PCOLCE2: variants seen among roughly 807,000 people sequenced by gnomAD.
PCOLCE2 encodes the protein procollagen C-proteinase enhancer 2.
In PCOLCE2, 42 loss-of-function variants were observed where a neutral mutation model predicts 47.0. That is an observed-to-expected ratio of 0.89 (90% CI 0.70 to 1.16). PCOLCE2 has a LOEUF of 1.16. Ranked by LOEUF, PCOLCE2 falls within the 50% of genes most tolerant of loss-of-function variation. The pLI, the probability that PCOLCE2 is intolerant of heterozygous loss-of-function variation, is 0.00. For synonymous variants in PCOLCE2, 169 were observed against 191.7 expected (o/e 0.88, Z 0.98); for missense variants, 500 against 526.1 (o/e 0.95, Z 0.49).
Position 142,818,319 on chromosome 3 carries a change from T to G in PCOLCE2, c.*16A>C. 6.2e-7 allele frequency: 1 copy of G among 1,611,778 alleles called. No individual in the cohort carries two copies. The highest frequency in any genetic ancestry group is 1.7e-5 in the Admixed American group (1 of 59,982). On this transcript the variant is annotated 3_prime_UTR_variant, in exon 9 of 9. Coordinates refer to ENST00000295992, the MANE Select transcript of PCOLCE2 (RefSeq NM_013363.4). ...AGGCAATGGCAGAATACAGCTTAAA[T>G]GGACACAGTTCACTGTTAACATTGC...
At chr3:142,820,852 A>G in intron 8 of PCOLCE2, 26 bp downstream of exon 8, 1 of 1,585,506 alleles carries the variant, frequency 6.3e-7, no homozygotes, top group Non-Finnish European at 8.6e-7. Flanking sequence ...GCTTGCTCAG[A>G]GACACCCAGT....
At chr3:142,838,570 C>A (rs1181179809) in intron 5 of PCOLCE2, among the ~76,000 whole-genome samples, 200 bp downstream of exon 5, 1 of 152,120 alleles carries the variant, frequency 6.6e-6, no homozygotes, top group Non-Finnish European at 1.5e-5. Flanking sequence ...AACCCTGAGC[C>A]AATTAAACCT....
At chr3:142,847,266 A>G (rs1181054282) in intron 3 of PCOLCE2, among the ~76,000 whole-genome samples, 1 of 152,148 alleles carries the variant, frequency 6.6e-6, no homozygotes, top group African/African-American at 2.4e-5. Flanking sequence ...AGATTTCAGT[A>G]GATTTTATAC....
intron 2 of PCOLCE2, among the ~76,000 whole-genome samples, chr3:142,866,910 C>T (rs1412685852): frequency 6.6e-6 from 1 of 152,240 alleles, no homozygotes; most frequent in East Asian, 1.9e-4. Flanking sequence ...GTCCACGCAA[C>T]AGGGCAGTTC....
chr3:142,838,889 A>C lies in PCOLCE2; in HGVS notation c.591T>G (p.Phe197Leu). ...APKNQLIELK[F>L]EKFDVERDNY... ...TATCTCGCTCCACATCAAACTTCTCAAACTTTAATTCTATAAGCTTTAGAG... is the reference window on the plus strand; with the variant it reads ...TATCTCGCTCCACATCAAACTTCTCCAACTTTAATTCTATAAGCTTTAGAG... The change falls in exon 5 of 9, where the codon TTT becomes TTG. Residue 197 changes from phenylalanine (F) to leucine (L), a missense_variant. By Grantham distance (22) the Phe-to-Leu change is conservative (BLOSUM62 0). Coordinates refer to ENST00000295992, the MANE Select transcript of PCOLCE2 (RefSeq NM_013363.4). 6.2e-7 allele frequency: 1 copy of C among 1,612,584 alleles called. No homozygotes were observed. The highest frequency in any genetic ancestry group is 8.5e-7 in the Non-Finnish European group (1 of 1,178,606).
chr3:142,850,964 G>A (rs9810808), intron 2 of PCOLCE2, among the ~76,000 whole-genome samples: 2,162 of 152,270 alleles, frequency 0.014, 44 homozygotes, highest in African/African-American at 0.049. Flanking sequence ...AGCAGGCAAA[G>A]GGGGATCTGA....
rs146995846 is a variant in PCOLCE2 at position 142,860,669 on chromosome 3, A to G, written c.193-12197T>C. Among the ~76,000 whole-genome samples, 159 of 152,224 alleles carry G rather than the reference A, an allele frequency of 1.0e-3. 1 individual carries two copies. Among genetic ancestry groups the G allele is most frequent in the African/African-American group, 3.7e-3 (152 of 41,534 alleles). On this transcript the variant is annotated intron_variant, in intron 2 of 8. Transcript: ENST00000295992. ...CTGATCCGCCTGTCTCGGCCTCCCA[A>G]AGTGCTAGGATTATAGGTGTGAGCC...
chr3:142,876,092 G>A (rs141042418), intron 2 of PCOLCE2, among the ~76,000 whole-genome samples: 1 of 152,188 alleles, frequency 6.6e-6, no homozygotes, highest in Non-Finnish European at 1.5e-5. Flanking sequence ...CATCATCTAG[G>A]TTTCCACTCA....
chr3:142,867,081 A>G (rs1933299194), intron 2 of PCOLCE2, among the ~76,000 whole-genome samples: 1 of 152,194 alleles, frequency 6.6e-6, no homozygotes. Context: ...TATGTGAATG[A>G]CACGCCTGGT....
intron 5 of PCOLCE2, among the ~76,000 whole-genome samples, chr3:142,835,816 A>T (rs1437790803): frequency 2.6e-5 from 4 of 152,042 alleles, no homozygotes; most frequent in South Asian, 2.1e-4. Context: ...TAATTTTTTT[A>T]AAAAAATTTT....
chr3:142,843,939 G>A (rs978894744), intron 3 of PCOLCE2, among the ~76,000 whole-genome samples: 1 of 152,098 alleles, frequency 6.6e-6, no homozygotes, highest in Admixed American at 6.6e-5. Context: ...AAAATTTCAA[G>A]TATATACAAA....
chr3:142,854,848 C>T (rs552018972), intron 2 of PCOLCE2, among the ~76,000 whole-genome samples: 42 of 152,306 alleles, frequency 2.8e-4, no homozygotes, highest in Middle Eastern at 3.4e-3. Context: ...CTTACAGCAA[C>T]CCTATGAAGT....
chr3:142,826,965 G>A (rs138971398), intron 6 of PCOLCE2: 1,343 of 520,108 alleles, frequency 2.6e-3, no homozygotes, highest in Admixed American at 4.3e-3. Context: ...GTTAATCTCC[G>A]CGCCTCTCCT....
chr3:142,866,119 G>C (rs188297616), intron 2 of PCOLCE2, among the ~76,000 whole-genome samples: 1 of 152,212 alleles, frequency 6.6e-6, no homozygotes, highest in South Asian at 2.1e-4. Flanking sequence ...ATTTCTGGGA[G>C]TGTGTATGAG....
chr3:142,841,434 C>T (rs985327752), intron 4 of PCOLCE2, among the ~76,000 whole-genome samples: 1 of 151,984 alleles, frequency 6.6e-6, no homozygotes, highest in Non-Finnish European at 1.5e-5. Flanking sequence ...CTGTAATCTG[C>T]AAGTATAATT....
At chr3:142,871,703 T>C (rs1206062695) in intron 2 of PCOLCE2, among the ~76,000 whole-genome samples, 2 of 152,238 alleles carry the variant, frequency 1.3e-5, no homozygotes, top group Admixed American at 1.3e-4. Flanking sequence ...TTCAGCCTGC[T>C]GACTTGCACT....
intron 2 of PCOLCE2, among the ~76,000 whole-genome samples, chr3:142,853,844 T>G (rs1240794189): frequency 6.6e-6 from 1 of 152,238 alleles, no homozygotes; most frequent in African/African-American, 2.4e-5. Flanking sequence ...ATTATCTGCC[T>G]GCAGAAAAAC....
intron 2 of PCOLCE2, among the ~76,000 whole-genome samples, chr3:142,855,345 T>A (rs5003282): frequency 0.61 from 92,150 of 151,494 alleles, 28,414 homozygotes; most frequent in Non-Finnish European, 0.66. Flanking sequence ...AATCTTAAAA[T>A]AATAGTGCAG....
rs149948303 is a variant in PCOLCE2, at chr3:142,881,764, T to TA, written c.192+5904dup. On this transcript the variant is annotated intron_variant, in intron 2 of 8. Transcript: ENST00000295992. ...TGGTAGTCATTGACTGAAATATTGTTACGGGATATGTGACTGTATTTCACT... is the reference window on the plus strand; with the variant it reads ...TGGTAGTCATTGACTGAAATATTGTTAACGGGATATGTGACTGTATTTCACT... 9.2e-3 allele frequency among the ~76,000 whole-genome samples: 1,408 copies of TA among 152,314 alleles called. 14 individuals carry two copies. The highest frequency in any genetic ancestry group is 0.047 in the East Asian group (243 of 5,188).
Sources: allele counts gnomAD v4.1 joint callset (sites outside exome capture counted in the v4.1 genomes callset), GRCh38; gene constraint gnomAD v4.1.1; transcripts MANE v1.5; gene names NCBI Gene and HGNC (gene_info 2026-07-23, HGNC 2026-07-21).